DAB1: variants seen among roughly 807,000 people sequenced by gnomAD.
DAB1 encodes the protein DAB adaptor protein 1, also known as disabled homolog 1.
A neutral mutation model predicts 64.6 loss-of-function variants in DAB1; 15 were observed. That is an observed-to-expected ratio of 0.23 (90% CI 0.16 to 0.36). The LOEUF is 0.36. Among genes scored for constraint, DAB1 ranks in the 10% least tolerant of loss-of-function variants. DAB1 has a pLI of 1.00. For synonymous variants in DAB1, 235 were observed against 251.9 expected (o/e 0.93, Z 0.64); for missense variants, 596 against 706.7 (o/e 0.84, Z 1.78).
At chr1:58,309,120 T>C (rs1226619787) in intron 4 of DAB1, among the ~76,000 whole-genome samples, 1 of 152,152 alleles carries the variant, frequency 6.6e-6, no homozygotes, top group African/African-American at 2.4e-5. Flanking sequence ...AGCTATAAAA[T>C]GCGGATGATA....
intron 7 of DAB1, among the ~76,000 whole-genome samples, chr1:57,583,313 A>G (rs12032356): frequency 6.9e-6 from 1 of 145,090 alleles, no homozygotes; most frequent in Admixed American, 6.9e-5. Flanking sequence ...TTTTGATGGA[A>G]TCTCGCCCTG....
intron 2 of DAB1, among the ~76,000 whole-genome samples, chr1:57,187,528 A>C (rs1029785040): frequency 7.2e-5 from 11 of 152,196 alleles, no homozygotes; most frequent in African/African-American, 1.2e-4. Context: ...AACTGCCTAA[A>C]AATCTGGGGC....
chr1:57,835,097 T>C lies in DAB1; in HGVS notation n.88-8642A>G, dbSNP rs1434909371. ...AAAAAGCACCTATAAGAAATTAATG[T>C]GGCTAGGGTGTAGGGTGGGAATAAT... On this transcript the variant is annotated intron_variant and non_coding_transcript_variant, in intron 1 of 1. Transcript: ENST00000477280. Among the ~76,000 whole-genome samples, 3 of 152,192 alleles carry C rather than the reference T, an allele frequency of 2.0e-5. No individual in the cohort carries two copies. The East Asian group carries it at 5.8e-4, about 29-fold the overall frequency.
chr1:58,276,289 A>T (rs1377357151), intron 4 of DAB1, among the ~76,000 whole-genome samples: 1 of 152,198 alleles, frequency 6.6e-6, no homozygotes, highest in Admixed American at 6.5e-5. Flanking sequence ...ATATGTTAAA[A>T]TTATAAATTT....
chr1:57,689,610 G>A (rs1646740009), intron 6 of DAB1, among the ~76,000 whole-genome samples: 1 of 152,096 alleles, frequency 6.6e-6, no homozygotes, highest in Non-Finnish European at 1.5e-5. Flanking sequence ...CAAATGCTAT[G>A]ATTAATTTTT....
At chr1:57,031,339 T>G (rs931081507) in intron 9 of DAB1, among the ~76,000 whole-genome samples, 1 of 152,204 alleles carries the variant, frequency 6.6e-6, no homozygotes, top group Non-Finnish European at 1.5e-5. Context: ...GTCCTTTTAT[T>G]TGTAAGCTAA....
chr1:57,557,889 G>A lies in DAB1; in HGVS notation n.625+91703C>T, dbSNP rs186214540. On this transcript the variant is annotated intron_variant and non_coding_transcript_variant, in intron 7 of 20. Transcript: ENST00000485760. ...GATAAACTCAGAGATTCTATCTCCCGGCTTCAGAAGCAGATACTGAGCCTC... is the reference window on the plus strand; with the variant it reads ...GATAAACTCAGAGATTCTATCTCCCAGCTTCAGAAGCAGATACTGAGCCTC... Among the ~76,000 whole-genome samples the A allele has an allele frequency of 7.0e-4, 107 of 152,204 alleles. No homozygotes were observed. The Middle Eastern group carries it at 0.01, about 15-fold the overall frequency.
At chr1:57,568,578 A>G (rs1282611838) in intron 7 of DAB1, among the ~76,000 whole-genome samples, 1 of 152,226 alleles carries the variant, frequency 6.6e-6, no homozygotes, top group Non-Finnish European at 1.5e-5. Context: ...ACAAACTTAC[A>G]AGAAAAAAAC....
At chr1:57,070,540 A>G (rs1651352582) in intron 7 of DAB1, among the ~76,000 whole-genome samples, 1 of 152,170 alleles carries the variant, frequency 6.6e-6, no homozygotes, top group Admixed American at 6.5e-5. Flanking sequence ...GAGCCAGGTA[A>G]TTGGAGGGTC....
chr1:58,379,874 G>A (rs1204804920), intron 3 of DAB1, among the ~76,000 whole-genome samples: 1 of 152,122 alleles, frequency 6.6e-6, no homozygotes, highest in Admixed American at 6.5e-5. Flanking sequence ...TTTTTATATA[G>A]AACCTCTCAG....
intron 4 of DAB1, among the ~76,000 whole-genome samples, chr1:58,276,447 C>T (rs1482799613): frequency 6.6e-6 from 1 of 152,088 alleles, no homozygotes; most frequent in Non-Finnish European, 1.5e-5. Context: ...TCTGGGAAAT[C>T]TACGCAAAGA....
intron 2 of DAB1, among the ~76,000 whole-genome samples, chr1:57,265,078 C>T (rs917691054): frequency 3.9e-5 from 6 of 152,180 alleles, no homozygotes; most frequent in Admixed American, 3.3e-4. Flanking sequence ...TGGCCAGAGT[C>T]CCTTGAGTAG....
chr1:57,795,694 T>G (rs1348053902), intron 6 of DAB1, among the ~76,000 whole-genome samples: 3 of 28,098 alleles, frequency 1.1e-4, no homozygotes, highest in Non-Finnish European at 2.4e-4. Flanking sequence ...CTTGGAGATA[T>G]ATATATATAT....
intron 5 of DAB1, among the ~76,000 whole-genome samples, chr1:57,899,784 C>A (rs938358808): frequency 1.3e-5 from 2 of 152,064 alleles, no homozygotes; most frequent in African/African-American, 4.8e-5. Context: ...ATGTCAAGAT[C>A]CGGCTCTCGC....
chr1:57,054,518 C>T (rs987137482), intron 9 of DAB1, among the ~76,000 whole-genome samples: 3 of 143,816 alleles, frequency 2.1e-5, no homozygotes, highest in African/African-American at 7.9e-5. Flanking sequence ...CGCTCTGTCA[C>T]CCAGGCTGGA....
intron 7 of DAB1, among the ~76,000 whole-genome samples, chr1:57,515,573 C>T (rs1366652646): frequency 1.3e-5 from 2 of 152,232 alleles, no homozygotes; most frequent in Non-Finnish European, 2.9e-5. Flanking sequence ...AAAGTCATCT[C>T]AATAGTCCTC....
intron 3 of DAB1, among the ~76,000 whole-genome samples, chr1:58,477,846 T>C (rs557253941): frequency 1.3e-5 from 2 of 152,300 alleles, no homozygotes; most frequent in Non-Finnish European, 2.9e-5. Context: ...TGGGTTTGTG[T>C]TGGTTCCTCT....
At chr1:57,695,335 A>AGAAG in intron 6 of DAB1, among the ~76,000 whole-genome samples, 8 of 123,958 alleles carry the variant, frequency 6.5e-5, no homozygotes, top group African/African-American at 2.4e-4. Context: ...AAAGAAAGAA[A>AGAAG]GAAAGAAAGA....
At chr1:57,193,267 C>T (rs1478275506) in intron 2 of DAB1, among the ~76,000 whole-genome samples, 1 of 151,432 alleles carries the variant, frequency 6.6e-6, no homozygotes, top group Non-Finnish European at 1.5e-5. Context: ...CTCTCTGCCT[C>T]TATGAGTTTG....
Sources: allele counts gnomAD v4.1 joint callset (sites outside exome capture counted in the v4.1 genomes callset), GRCh38; gene constraint gnomAD v4.1.1; transcripts MANE v1.5; gene names NCBI Gene and HGNC (gene_info 2026-07-23, HGNC 2026-07-21).